Variants in KDM5A observed in about 807,000 individuals in gnomAD.
KDM5A encodes the protein lysine-specific demethylase 5A.
Under a neutral mutation model 193.5 loss-of-function variants are expected in KDM5A, and 42 were observed. That is an observed-to-expected ratio of 0.22 (90% CI 0.17 to 0.28). The LOEUF (loss-of-function observed/expected upper bound fraction) is 0.28. Ranked by LOEUF, KDM5A falls within the 10% of genes least tolerant of loss-of-function variation. The probability of loss-of-function intolerance (pLI) is 1.00; values close to 1 mark genes in which losing one functional copy is unlikely to be tolerated. For synonymous variants in KDM5A, 796 were observed against 718.1 expected (o/e 1.11, Z -1.73); for missense variants, 1,692 against 2,055.1 (o/e 0.82, Z 3.42).
chr12:383,527 A>G (rs1381833590), intron 3 of KDM5A, among the ~76,000 whole-genome samples: 3 of 151,966 alleles, frequency 2.0e-5, no homozygotes, highest in African/African-American at 7.3e-5. Context: ...CAAATTTTCA[A>G]TTAAGTAACA....
At chr12:383,601 C>G (rs1363591584) in intron 3 of KDM5A, among the ~76,000 whole-genome samples, 1 of 151,922 alleles carries the variant, frequency 6.6e-6, no homozygotes. Context: ...CATTAGCAGG[C>G]TAGAGTAATT....
chr12:365,737 T>A (rs1486917045), intron 4 of KDM5A, among the ~76,000 whole-genome samples, 197 bp downstream of exon 4: 2 of 152,196 alleles, frequency 1.3e-5, no homozygotes, highest in Non-Finnish European at 2.9e-5. Flanking sequence ...TTATTTTAAA[T>A]AAATAAGAAA....
intron 5 of KDM5A, among the ~76,000 whole-genome samples, chr12:360,273 TAA>T (rs57223749): frequency 1.4e-5 from 2 of 147,400 alleles, no homozygotes; most frequent in African/African-American, 5.0e-5. Context: ...GACTCTGTCT[TAA>T]AAAAAAAAGA....
chr12:376,387 G>A (rs1412529390), intron 3 of KDM5A, among the ~76,000 whole-genome samples: 1 of 152,244 alleles, frequency 6.6e-6, no homozygotes, highest in Non-Finnish European at 1.5e-5. Flanking sequence ...GCCAGGTGCA[G>A]GATATAATCT....
intron 24 of KDM5A, 44 bp downstream of exon 24, chr12:306,902 C>G (rs771799450): frequency 6.3e-7 from 1 of 1,592,076 alleles, no homozygotes; most frequent in East Asian, 2.2e-5. Flanking sequence ...TTAAACAAAC[C>G]CAATGATCAG....
chr12:381,620 T>C (rs138965660), intron 3 of KDM5A, among the ~76,000 whole-genome samples: 463 of 152,262 alleles, frequency 3.0e-3, no homozygotes, highest in Non-Finnish European at 5.3e-3. Flanking sequence ...TTTAGTACCA[T>C]AGGTTTTCAT....
Position 293,094 on chromosome 12 carries a change from C to T in KDM5A, c.4531G>A (p.Glu1511Lys). 6.3e-7 allele frequency: 1 copy of T among 1,595,278 alleles called. No individual in the cohort carries two copies. Among genetic ancestry groups the T allele is most frequent in the Non-Finnish European group, 8.5e-7 (1 of 1,175,454 alleles). The part of the protein sequence containing the change: ...SSEKKRKRKL[E>K]KVEQLFGEGK... ...TCTCCAAAAAGTTGCTCTACCTTTT[C>T]TAGCTTCCGTTTCCGTTTCTTCTCT... Residue 1511 changes from glutamate (E) to lysine (K), a missense_variant, in exon 27 of 28, where the codon GAA (glutamate) becomes AAA (lysine). Physicochemically the swap from Glu to Lys is moderately conservative, Grantham distance 56. Around this residue, in one of 11 missense-constraint regions of KDM5A, gnomAD observed 965 missense variants for 1,061.0 expected, o/e 0.91. Coordinates refer to ENST00000399788, the MANE Select transcript of KDM5A (RefSeq NM_001042603.3).
chr12:375,758 G>A (rs1217201604), intron 3 of KDM5A, among the ~76,000 whole-genome samples: 1 of 152,114 alleles, frequency 6.6e-6, no homozygotes, highest in Non-Finnish European at 1.5e-5. Context: ...ATGGGATTTT[G>A]GTGTGGATGT....
rs531663717 is a variant in KDM5A, at chr12:336,613, G to A, written c.1309-2191C>T. The stretch of plus-strand genomic sequence containing the variant: ...AAAAGAACACTGGGAGGCCGAAGCT[G>A]GTGGATTACTTGAGGTCAGGAGTTC... On this transcript the variant is annotated intron_variant, in intron 10 of 27. Transcript: ENST00000399788. 3.9e-5 allele frequency among the ~76,000 whole-genome samples: 6 copies of A among 152,234 alleles called. No homozygotes were observed. The East Asian group carries it at 7.7e-4, about 20-fold the overall frequency.
chr12:283,893 C>G lies in KDM5A; in HGVS notation c.*1563G>C, dbSNP rs537286472. The G allele has an allele frequency of 8.6e-6, 2 of 232,440 alleles. No homozygotes were observed. The highest frequency in any genetic ancestry group is 3.6e-4 in the South Asian group (2 of 5,484). 14.4% of individuals were successfully genotyped at this position (232,440 alleles called of 1,614,324 possible). A position where few individuals can be genotyped will look rare whatever the true frequency, so the allele number is the denominator to read the frequency against. The stretch of plus-strand genomic sequence containing the variant: ...AGCTTACCTAATACCTTAAGAAGAA[C>G]AGAGAACACAACAGGAGGGAAGAGG... On this transcript the variant is annotated 3_prime_UTR_variant, in exon 28 of 28. Coordinates refer to ENST00000399788, the MANE Select transcript of KDM5A (RefSeq NM_001042603.3).
At position 284,482 on chromosome 12, in the gene KDM5A, G is replaced by T. The variant is rs575608478; in HGVS notation, c.*974C>A. On this transcript the variant is annotated 3_prime_UTR_variant, in exon 28 of 28. Transcript: ENST00000399788. ...TGGAAACAGCAGACATTGGGGTCAGGGCTGCAAGGCAAAAAGCTGTTATTT... is the reference window on the plus strand; with the variant it reads ...TGGAAACAGCAGACATTGGGGTCAGTGCTGCAAGGCAAAAAGCTGTTATTT... 1.3e-5 allele frequency: 3 copies of T among 232,602 alleles called. No individual in the cohort carries two copies. The highest frequency in any genetic ancestry group is 2.2e-5 in the African/African-American group (1 of 45,272). 14.4% of individuals were successfully genotyped at this position (232,602 alleles called of 1,614,324 possible).
At chr12:370,775 C>G (rs569039133) in intron 3 of KDM5A, among the ~76,000 whole-genome samples, 1 of 152,310 alleles carries the variant, frequency 6.6e-6, no homozygotes, top group South Asian at 2.1e-4. Flanking sequence ...CTACCCCCAC[C>G]CTACGACAGG....
At position 388,996 on chromosome 12, in the gene KDM5A, C is replaced by A; in HGVS notation, c.96G>T (p.Pro32=). 1 of 1,613,100 alleles carries A rather than the reference C, an allele frequency of 6.2e-7. No homozygotes were observed. Among genetic ancestry groups the A allele is most frequent in the Middle Eastern group, 1.7e-4 (1 of 6,056 alleles). The part of the protein sequence containing the change: ...FEPSWEEFTD[P]LSFIGRIRPL... ...GCCGGATGCGGCCGATAAAGCTGAG[C>A]GGATCTGTGAACTCCTCCCAACTCG... The change falls in exon 1 of 28, where the codon CCG becomes CCT. Residue 32 remains proline (P), a synonymous_variant. Transcript: ENST00000399788.
Position 307,852 on chromosome 12 carries a change from C to G in KDM5A, c.3532G>C (p.Glu1178Gln). The G allele has an allele frequency of 1.2e-6, 2 of 1,614,162 alleles. No homozygotes were observed. The highest frequency in any genetic ancestry group is 1.7e-6 in the Non-Finnish European group (2 of 1,180,030). ...KTASGFMLQC[E>Q]LCKDWFHNSC... ...TTATGGAACCAGTCTTTGCAGAGCT[C>G]ACACTGTAGCATAAACCCACTGGCT... Residue 1178 changes from glutamate (E) to glutamine (Q), a missense_variant, in exon 23 of 28, where the codon GAG (glutamate) becomes CAG (glutamine). Coordinates refer to ENST00000399788, the MANE Select transcript of KDM5A (RefSeq NM_001042603.3). The surrounding 1 kb of genome is among the most constrained non-coding windows in gnomAD (Gnocchi z 4.3).
intron 10 of KDM5A, among the ~76,000 whole-genome samples, chr12:337,648 T>A (rs1394661329): frequency 7.6e-6 from 1 of 131,434 alleles, no homozygotes; most frequent in Non-Finnish European, 1.6e-5. Context: ...TTTCTAAACT[T>A]TTTTTTTTTT....
chr12:389,270 C>T lies in KDM5A; in HGVS notation c.-179G>A. 1.4e-6 allele frequency: 1 copy of T among 732,156 alleles called. No individual in the cohort carries two copies. The highest frequency in any genetic ancestry group is 1.5e-5 in the South Asian group (1 of 67,814). The allele number at this position is 732,156 out of a possible 1,614,324, so 45.4% of individuals were successfully genotyped here. ...TCCTCCCGTTTGTTATTGTTTCTTG[C>T]AAGGCTTTTCCACTGAGGTTCAGGA... is the stretch of plus-strand genomic sequence containing the variant. On this transcript the variant is annotated 5_prime_UTR_variant, in exon 1 of 28. Coordinates refer to ENST00000399788, the MANE Select transcript of KDM5A (RefSeq NM_001042603.3).
chr12:341,026 T>C (rs1350693059), intron 10 of KDM5A, among the ~76,000 whole-genome samples: 1 of 152,258 alleles, frequency 6.6e-6, no homozygotes, highest in East Asian at 1.9e-4. Flanking sequence ...GCAGGATTAC[T>C]ATTTACATTC....
chr12:387,833 G>T (rs891770889), intron 1 of KDM5A, among the ~76,000 whole-genome samples: 1 of 152,084 alleles, frequency 6.6e-6, no homozygotes, highest in African/African-American at 2.4e-5. Context: ...AATACGCTGC[G>T]GTGCCTATCT....
intron 13 of KDM5A, among the ~76,000 whole-genome samples, chr12:331,174 G>C (rs942138805): frequency 2.6e-5 from 4 of 152,044 alleles, no homozygotes; most frequent in Non-Finnish European, 5.9e-5. Flanking sequence ...AAAAATCACA[G>C]AGCTACGTAT....
Sources: allele counts gnomAD v4.1 joint callset (sites outside exome capture counted in the v4.1 genomes callset), GRCh38; gene constraint gnomAD v4.1.1; regional missense constraint gnomAD v4.1.1; non-coding constraint Gnocchi (gnomAD v3.1); transcripts MANE v1.5; gene names NCBI Gene and HGNC (gene_info 2026-07-23, HGNC 2026-07-21).